The following FANCA variants were observed in gnomAD, a reference collection of about 807,000 sequenced individuals.
FANCA encodes the protein FA complementation group A.
In FANCA, 236 loss-of-function variants were observed where a neutral mutation model predicts 194.3. The observed-to-expected ratio is 1.21, with a 90% CI of 1.09 to 1.35. The LOEUF (loss-of-function observed/expected upper bound fraction) is 1.35, where lower values mean the gene tolerates loss of function less well. FANCA is among the 40% of genes most tolerant of loss of function. The pLI, the probability that FANCA is intolerant of heterozygous loss-of-function variation, is 0.00. For missense variants in FANCA, 2,628 were observed against 1,813.9 expected (o/e 1.45, Z -8.15); for synonymous variants, 1,014 against 715.8 (o/e 1.42, Z -6.65).
rs2143351443 is a variant in FANCA at position 89,771,796 on chromosome 16, G to A, written c.2033C>T (p.Ala678Val). The A allele has an allele frequency of 1.2e-6, 2 of 1,613,946 alleles. No individual in the cohort carries two copies. The highest frequency in any genetic ancestry group is 1.7e-6 in the Non-Finnish European group (2 of 1,180,028). ...AGCCCTCAGTCTTTCAGAAATCACT[G>A]CCACCTGTGCCGATATAACTGCGAA... ...SQRDVISAQV[A>V]VISERLRAVL... is the part of the protein sequence containing the mutation. Residue 678 changes from alanine to valine, a missense_variant, in exon 23 of 43, where the codon GCA (alanine) becomes GTA (valine). Ala to Val is a moderately conservative substitution (Grantham distance 64). Coordinates refer to ENST00000389301, the MANE Select transcript of FANCA (RefSeq NM_000135.4).
intron 32 of FANCA, among the ~76,000 whole-genome samples, chr16:89,749,516 C>T (rs1250960521): frequency 6.6e-6 from 1 of 152,254 alleles, no homozygotes; most frequent in Non-Finnish European, 1.5e-5. Flanking sequence ...CATGAACCAC[C>T]TCGCTTGGCT....
rs1246289587 is a variant in FANCA, at chr16:89,798,719, G to A, written c.893+447C>T. On this transcript the variant is annotated intron_variant, in intron 10 of 42. Coordinates refer to ENST00000389301, the MANE Select transcript of FANCA (RefSeq NM_000135.4). ...CTAATAGGGCCAAGCTTTGCCTACT[G>A]GTGAATCTGAGCAGGATCTGTGGAG... is the stretch of plus-strand genomic sequence containing the variant. The A allele has an allele frequency of 9.0e-6, 12 of 1,328,176 alleles. No homozygotes were observed. In the East Asian group the frequency reaches 2.5e-4, roughly 28 times the overall value. 82.3% of individuals were successfully genotyped at this position (1,328,176 alleles called of 1,614,324 possible).
chr16:89,787,355 C>G (rs1281894177), intron 14 of FANCA, among the ~76,000 whole-genome samples: 1 of 152,102 alleles, frequency 6.6e-6, no homozygotes, highest in Non-Finnish European at 1.5e-5. Flanking sequence ...AACCCTGTCT[C>G]TACTAAAAAT....
chr16:89,805,993 A>T (rs1318263889), intron 6 of FANCA, among the ~76,000 whole-genome samples: 1 of 150,938 alleles, frequency 6.6e-6, no homozygotes, highest in Non-Finnish European at 1.5e-5. Flanking sequence ...GCTCACTACA[A>T]CCTCCGCCTC....
chr16:89,809,979 T>C (rs1445356995), intron 5 of FANCA, among the ~76,000 whole-genome samples: 1 of 151,280 alleles, frequency 6.6e-6, no homozygotes, highest in Non-Finnish European at 1.5e-5. Context: ...TGAGCCAAGA[T>C]TGCGCCACTG....
chr16:89,803,204 C>A lies in FANCA; in HGVS notation c.792+55G>T, dbSNP rs369327916. 2.0e-6 allele frequency: 3 copies of A among 1,515,586 alleles called. No individual in the cohort carries two copies. The African/African-American group carries it at 4.1e-5, about 21-fold the overall frequency. 93.9% of individuals were successfully genotyped at this position (1,515,586 alleles called of 1,614,324 possible). On this transcript the variant is annotated intron_variant, in intron 8 of 42. Coordinates refer to ENST00000389301, the MANE Select transcript of FANCA (RefSeq NM_000135.4). The stretch of plus-strand genomic sequence containing the variant: ...AGAGACACGTAAATACATTTCAACA[C>A]TTGGAATAAGGACGGCTCCTTCCGC...
chr16:89,810,180 G>A (rs933044800), intron 5 of FANCA, among the ~76,000 whole-genome samples: 1 of 151,054 alleles, frequency 6.6e-6, no homozygotes, highest in Admixed American at 6.6e-5. Context: ...AAAATTAGCT[G>A]GGCGTGGTGG....
At chr16:89,745,302 C>G (rs1241628640) in intron 35 of FANCA, among the ~76,000 whole-genome samples, 1 of 152,240 alleles carries the variant, frequency 6.6e-6, no homozygotes, top group Non-Finnish European at 1.5e-5. Flanking sequence ...GAAGGAAGAG[C>G]CTGGCCTAAC....
In FANCA at chr16:89,738,382, C is replaced by T. The variant is rs903277788; in HGVS notation, c.*219G>A. On this transcript the variant is annotated 3_prime_UTR_variant, in exon 43 of 43. Coordinates refer to ENST00000389301, the MANE Select transcript of FANCA (RefSeq NM_000135.4). ...TGGTGCTGGAGGCGGGCTTGGTGTC[C>T]GGCTCAAGTAGCCTTCCTCTGCTCT... 3.4e-5 allele frequency: 48 copies of T among 1,415,266 alleles called. No homozygotes were observed. In the Admixed American group the frequency reaches 6.9e-4, roughly 20 times the overall value. 87.7% of individuals were successfully genotyped at this position (1,415,266 alleles called of 1,614,324 possible).
At chr16:89,753,518 A>G (rs1174042145) in intron 30 of FANCA, among the ~76,000 whole-genome samples, 2 of 152,250 alleles carry the variant, frequency 1.3e-5, no homozygotes, top group Non-Finnish European at 2.9e-5. Context: ...ATAAAAAGCA[A>G]AAACCGTAAG....
At chr16:89,815,187 C>T (rs1488626032) in intron 2 of FANCA, among the ~76,000 whole-genome samples, 2 of 151,968 alleles carry the variant, frequency 1.3e-5, no homozygotes, top group African/African-American at 2.4e-5. Context: ...CAGACACCTG[C>T]TACCATACCC....
chr16:89,803,856 T>C (rs2143620113), intron 7 of FANCA, among the ~76,000 whole-genome samples: 1 of 152,206 alleles, frequency 6.6e-6, no homozygotes, highest in East Asian at 1.9e-4. Context: ...CCTGACCTCA[T>C]GATCCACCTG....
intron 28 of FANCA, among the ~76,000 whole-genome samples, chr16:89,763,690 G>A (rs929072741): frequency 5.3e-5 from 8 of 152,080 alleles, no homozygotes; most frequent in Non-Finnish European, 1.0e-4. Flanking sequence ...TGTAATCCCA[G>A]CACTTTGGGA....
At chr16:89,799,138 C>A (rs772340508) in intron 10 of FANCA, 28 bp downstream of exon 10, 1 of 1,614,070 alleles carries the variant, frequency 6.2e-7, no homozygotes, top group African/African-American at 1.3e-5. Flanking sequence ...CTGCTGCACA[C>A]TCAGGCAGGC....
chr16:89,739,764 G>T, intron 39 of FANCA: 1 of 1,476,972 alleles, frequency 6.8e-7, no homozygotes, highest in Non-Finnish European at 8.9e-7. Flanking sequence ...TGGGTGTGGT[G>T]CAGAGAGAGG....
At chr16:89,795,284 C>CAATAAATA (rs71391243) in intron 11 of FANCA, among the ~76,000 whole-genome samples, 27,429 of 139,766 alleles carry the variant, frequency 0.2, 3,323 homozygotes, top group East Asian at 0.52. Context: ...ACTCCATCTC[C>CAATAAATA]AATAAATAAA....
In FANCA at chr16:89,743,707, C is replaced by T. The variant is rs548272595; in HGVS notation, c.3627-769G>A. On this transcript the variant is annotated intron_variant, in intron 36 of 42. Transcript: ENST00000389301. ...GCATGGTGGCTCACGCCTGTAATCC[C>T]AGCTACTCAGGAGACTGAGGCAGGA... Among the ~76,000 whole-genome samples, 7 of 152,062 alleles carry T rather than the reference C, an allele frequency of 4.6e-5. No individual in the cohort carries two copies. The South Asian group carries it at 1.5e-3, about 32-fold the overall frequency.
intron 13 of FANCA, 65 bp downstream of exon 13, chr16:89,791,862 G>C (rs2143528934): frequency 6.2e-7 from 1 of 1,603,130 alleles, no homozygotes; most frequent in Non-Finnish European, 8.5e-7. Flanking sequence ...AGTCAGCTGG[G>C]ACTCTGCTGA....
At chr16:89,786,500 A>C (rs1039848895) in intron 14 of FANCA, among the ~76,000 whole-genome samples, 1 of 152,120 alleles carries the variant, frequency 6.6e-6, no homozygotes, top group Admixed American at 6.5e-5. Context: ...TCTTTTTAGT[A>C]GAGATGAGGT....
Sources: gnomAD v4.1 joint callset for allele counts (sites outside exome capture counted in the v4.1 genomes callset) on GRCh38, gnomAD v4.1.1 for gene constraint, MANE v1.5 for transcripts, NCBI Gene and HGNC (gene_info 2026-07-23, HGNC 2026-07-21) for gene names.